CDH13: variants seen among roughly 807,000 people sequenced by gnomAD.
CDH13 encodes the protein cadherin 13, also known as cadherin-13.
A neutral mutation model predicts 63.8 loss-of-function variants in CDH13; 24 were observed. The observed-to-expected ratio is 0.38, with a 90% confidence interval of 0.27 to 0.53. The LOEUF is 0.53. Ranked by LOEUF, CDH13 falls within the 20% of genes least tolerant of loss-of-function variation. The pLI is 0.85. For missense variants in CDH13, 1,049 were observed against 903.1 expected, an observed-to-expected ratio of 1.16 and a Z score of -2.07; for synonymous variants, 503 against 355.3, an observed-to-expected ratio of 1.42 and a Z score of -4.67.
chr16:82,684,929 T>A (rs185683265), intron 1 of CDH13, among the ~76,000 whole-genome samples: 3 of 151,270 alleles, frequency 2.0e-5, no homozygotes, highest in Non-Finnish European at 4.4e-5. Context: ...ATTTAAGTAG[T>A]CGCTTGAAAA....
intron 2 of CDH13, among the ~76,000 whole-genome samples, chr16:82,898,084 A>C (rs2151236173): frequency 6.6e-6 from 1 of 152,376 alleles, no homozygotes; most frequent in South Asian, 2.1e-4. Context: ...ATAAAGAAAA[A>C]ATTATTTTTA....
intron 2 of CDH13, among the ~76,000 whole-genome samples, chr16:82,984,496 G>A (rs1385335771): frequency 6.6e-6 from 1 of 152,158 alleles, no homozygotes; most frequent in East Asian, 1.9e-4. Flanking sequence ...AATAAGGATG[G>A]TAATGACACC....
At chr16:82,865,902 C>G (rs185813548) in intron 2 of CDH13, among the ~76,000 whole-genome samples, 1 of 152,274 alleles carries the variant, frequency 6.6e-6, no homozygotes, top group East Asian at 1.9e-4. Context: ...CAAATCTTCT[C>G]TTTGTGAATA....
At chr16:82,844,936 T>A (rs2039196986) in intron 1 of CDH13, among the ~76,000 whole-genome samples, 1 of 151,984 alleles carries the variant, frequency 6.6e-6, no homozygotes, top group Non-Finnish European at 1.5e-5. Flanking sequence ...ATTACAGGCG[T>A]GAGGCACCGC....
intron 6 of CDH13, among the ~76,000 whole-genome samples, chr16:83,478,861 A>AC (rs2073683482): frequency 6.6e-6 from 1 of 151,542 alleles, no homozygotes; most frequent in Non-Finnish European, 1.5e-5. Flanking sequence ...AAAGAAAAAA[A>AC]GAAAAAGCTG....
At chr16:82,895,417 A>T (rs1156321239) in intron 2 of CDH13, among the ~76,000 whole-genome samples, 1 of 152,114 alleles carries the variant, frequency 6.6e-6, no homozygotes, top group Non-Finnish European at 1.5e-5. Flanking sequence ...TCTTTAGTCT[A>T]ACTTCCTGCT....
intron 7 of CDH13, among the ~76,000 whole-genome samples, chr16:83,529,482 A>G (rs984543424): frequency 2.0e-5 from 3 of 152,224 alleles, no homozygotes; most frequent in Non-Finnish European, 4.4e-5. Flanking sequence ...AGGAAATACT[A>G]TATGGCTTTA....
intron 6 of CDH13, among the ~76,000 whole-genome samples, chr16:83,451,807 A>G (rs2072894270): frequency 6.6e-6 from 1 of 152,248 alleles, no homozygotes; most frequent in Admixed American, 6.5e-5. Flanking sequence ...CATGTGCCAC[A>G]CGATGCCCAG....
intron 3 of CDH13, among the ~76,000 whole-genome samples, chr16:83,111,085 T>C (rs1208138489): frequency 2.0e-5 from 3 of 148,362 alleles, no homozygotes; most frequent in African/African-American, 7.5e-5. Context: ...GGCAGGAGAA[T>C]GGCGTGAACC....
In CDH13 at chr16:82,851,207, G is replaced by A. The variant is rs548130312; in HGVS notation, c.46-7155G>A. On this transcript the variant is annotated intron_variant, in intron 1 of 13. Transcript: ENST00000567109. ...TCCTAGCCCTTTGGGAGGCTGAGGC[G>A]GGCGAATCGCAAGGTCAGGAGTTCG... is the stretch of plus-strand genomic sequence containing the variant. 2.0e-4 allele frequency among the ~76,000 whole-genome samples: 30 copies of A among 152,124 alleles called. 1 individual carries two copies. In the South Asian group the frequency reaches 2.9e-3, roughly 15 times the overall value.
chr16:82,634,915 C>T (rs1033871362), intron 1 of CDH13, among the ~76,000 whole-genome samples: 1 of 152,216 alleles, frequency 6.6e-6, no homozygotes, highest in African/African-American at 2.4e-5. Flanking sequence ...ATGTTCCAAG[C>T]ACCACTTGTG....
intron 7 of CDH13, among the ~76,000 whole-genome samples, chr16:83,507,034 T>G (rs1274053425): frequency 6.6e-6 from 1 of 152,196 alleles, no homozygotes; most frequent in Non-Finnish European, 1.5e-5. Flanking sequence ...GTAATTTTAT[T>G]CAGCATTAGA....
intron 9 of CDH13, among the ~76,000 whole-genome samples, chr16:83,674,158 A>T (rs949236200): frequency 6.6e-6 from 1 of 152,238 alleles, no homozygotes; most frequent in Admixed American, 6.5e-5. Flanking sequence ...AAGTAACAGA[A>T]TGTTAGACTA....
chr16:83,376,691 G>C (rs576532647), intron 6 of CDH13, among the ~76,000 whole-genome samples: 1 of 152,098 alleles, frequency 6.6e-6, no homozygotes, highest in African/African-American at 2.4e-5. Flanking sequence ...GAGAGAGTTA[G>C]GAGGTACAAA....
At chr16:83,710,411 A>T (rs1264383331) in intron 10 of CDH13, 2 of 152,222 alleles carry the variant, frequency 1.3e-5, no homozygotes, top group Non-Finnish European at 2.9e-5. Context: ...CTGCTAGAAA[A>T]GCTAAGAGCA....
At chr16:83,547,144 C>T (rs1314362207) in intron 7 of CDH13, among the ~76,000 whole-genome samples, 1 of 152,000 alleles carries the variant, frequency 6.6e-6, no homozygotes, top group African/African-American at 2.4e-5. Context: ...GGGAGGCAAA[C>T]TTGAATCGAA....
Position 82,644,185 on chromosome 16 carries a change from G to C in CDH13, c.45+17048G>C, listed in dbSNP as rs998732120. On this transcript the variant is annotated intron_variant, in intron 1 of 13. Transcript: ENST00000567109. The surrounding 1 kb of genome is among the most constrained non-coding windows in gnomAD (Gnocchi z 5.7). ...TTTACCCAAATTAACATGAATGTTTGGCACCCTTTGGCTGGTGCGGCTGAA... is the reference window on the plus strand; with the variant it reads ...TTTACCCAAATTAACATGAATGTTTCGCACCCTTTGGCTGGTGCGGCTGAA... Among the ~76,000 whole-genome samples, 1 of 152,112 alleles carries C rather than the reference G, an allele frequency of 6.6e-6. No homozygotes were observed. The highest frequency in any genetic ancestry group is 1.5e-5 in the Non-Finnish European group (1 of 68,020).
intron 6 of CDH13, among the ~76,000 whole-genome samples, chr16:83,457,921 C>T (rs940644563): frequency 1.3e-5 from 2 of 152,188 alleles, no homozygotes; most frequent in Non-Finnish European, 2.9e-5. Context: ...TTCCAGCAGG[C>T]GTCTGAGAAC....
intron 6 of CDH13, among the ~76,000 whole-genome samples, chr16:83,434,998 T>C (rs2072251097): frequency 1.4e-5 from 2 of 147,186 alleles, no homozygotes; most frequent in Admixed American, 6.9e-5. Context: ...TATATATATA[T>C]GTATATATAT....
Sources: gnomAD v4.1 joint callset for allele counts (sites outside exome capture counted in the v4.1 genomes callset) on GRCh38, gnomAD v4.1.1 for gene constraint, Gnocchi (gnomAD v3.1) non-coding constraint, MANE v1.5 for transcripts, NCBI Gene and HGNC (gene_info 2026-07-23, HGNC 2026-07-21) for gene names.